The following XRCC4 variants were observed in gnomAD, a reference collection of about 807,000 sequenced individuals.
XRCC4 encodes X-ray repair cross complementing 4, also known as DNA repair protein XRCC4.
Under a neutral mutation model 39.1 loss-of-function variants are expected in XRCC4, and 28 were observed. The observed-to-expected ratio is 0.72, with a 90% confidence interval of 0.53 to 0.98. XRCC4 has a LOEUF of 0.98. XRCC4 is among the 50% of genes least tolerant of loss of function. The pLI is 0.00. For synonymous variants in XRCC4, 123 were observed against 126.4 expected, an observed-to-expected ratio of 0.97 and a Z score of 0.18; for missense variants, 350 against 376.4, an observed-to-expected ratio of 0.93 and a Z score of 0.58.
At chr5:83,261,993 A>G (rs1213305112) in intron 7 of XRCC4, among the ~76,000 whole-genome samples, 3 of 152,274 alleles carry the variant, frequency 2.0e-5, no homozygotes, top group South Asian at 2.1e-4. Flanking sequence ...ATAAAACAAA[A>G]TCATAATAAT....
At chr5:83,239,611 C>T (rs953347934) in intron 6 of XRCC4, among the ~76,000 whole-genome samples, 4 of 151,564 alleles carry the variant, frequency 2.6e-5, no homozygotes, top group Non-Finnish European at 4.4e-5. Flanking sequence ...GGGTGGATCA[C>T]GAGATCAGGA....
At chr5:83,138,304 T>C (rs1245061106) in intron 3 of XRCC4, among the ~76,000 whole-genome samples, 2 of 152,334 alleles carry the variant, frequency 1.3e-5, no homozygotes, top group African/African-American at 4.8e-5. Flanking sequence ...TCATTTTAAA[T>C]ATGTCAATCC....
intron 1 of XRCC4, among the ~76,000 whole-genome samples, chr5:83,083,205 A>G (rs1446807726): frequency 6.6e-6 from 1 of 151,976 alleles, no homozygotes; most frequent in Admixed American, 6.6e-5. Context: ...TATTTGTTAC[A>G]TGTATTTTTA....
At chr5:83,320,518 T>A (rs1756030489) in intron 7 of XRCC4, among the ~76,000 whole-genome samples, 1 of 152,028 alleles carries the variant, frequency 6.6e-6, no homozygotes, top group Non-Finnish European at 1.5e-5. Context: ...GAATATTGAC[T>A]CCAATTTTGA....
At chr5:83,280,629 A>C in intron 7 of XRCC4, 1 of 356,398 alleles carries the variant, frequency 2.8e-6, no homozygotes, top group Non-Finnish European at 5.3e-6. Flanking sequence ...CTGCCTGACC[A>C]GTCCAAGCTA....
At chr5:83,085,855 C>G (rs1745157592) in intron 1 of XRCC4, among the ~76,000 whole-genome samples, 1 of 152,160 alleles carries the variant, frequency 6.6e-6, no homozygotes, top group Admixed American at 6.5e-5. Context: ...AGTAGAAAAT[C>G]ATATTATAGA....
At chr5:83,149,289 T>C (rs1748600739) in intron 3 of XRCC4, among the ~76,000 whole-genome samples, 2 of 152,156 alleles carry the variant, frequency 1.3e-5, no homozygotes, top group South Asian at 4.1e-4. Context: ...GTTACTAAGA[T>C]TCAGCAGGTA....
chr5:83,178,121 C>T (rs1750042888), intron 3 of XRCC4, among the ~76,000 whole-genome samples: 1 of 152,000 alleles, frequency 6.6e-6, no homozygotes, highest in Non-Finnish European at 1.5e-5. Context: ...GATGATGCTC[C>T]AGATTTTAAA....
intron 3 of XRCC4, among the ~76,000 whole-genome samples, chr5:83,152,836 C>T (rs1464424875): frequency 6.6e-6 from 1 of 152,016 alleles, no homozygotes; most frequent in Non-Finnish European, 1.5e-5. Context: ...GTCGTGCAGT[C>T]GATCTACAGT....
At chr5:83,232,593 T>C (rs958407474) in intron 6 of XRCC4, among the ~76,000 whole-genome samples, 3 of 152,118 alleles carry the variant, frequency 2.0e-5, no homozygotes, top group African/African-American at 4.8e-5. Context: ...ACTGCTTGTT[T>C]AGTTTGTGAT....
intron 7 of XRCC4, chr5:83,310,785 T>C: frequency 2.2e-6 from 1 of 456,572 alleles, no homozygotes; most frequent in Non-Finnish European, 4.4e-6. Flanking sequence ...ACTTTCCTTA[T>C]TAGAGGGAGG....
intron 1 of XRCC4, among the ~76,000 whole-genome samples, chr5:83,096,463 G>A (rs905853042): frequency 6.6e-6 from 1 of 152,104 alleles, no homozygotes; most frequent in African/African-American, 2.4e-5. Context: ...AAAGCCAAAG[G>A]GGGCTGAAGC....
intron 3 of XRCC4, among the ~76,000 whole-genome samples, chr5:83,136,238 C>G (rs374108540): frequency 2.0e-5 from 3 of 152,228 alleles, no homozygotes; most frequent in African/African-American, 7.2e-5. Context: ...TCAAATACAT[C>G]ATCTTGTCTT....
chr5:83,258,050 C>T (rs1753612103), intron 6 of XRCC4, among the ~76,000 whole-genome samples: 1 of 151,916 alleles, frequency 6.6e-6, no homozygotes, highest in South Asian at 2.1e-4. Flanking sequence ...GGGTGAGGAG[C>T]AAGAGGAGGG....
chr5:83,366,659 C>G, the XRCC4 span, among the ~76,000 whole-genome samples: 6 of 152,198 alleles, frequency 3.9e-5, no homozygotes, highest in Non-Finnish European at 8.8e-5. Flanking sequence ...CTCCATTTCT[C>G]TGGTTGTATC....
Position 83,204,923 on chromosome 5 carries a change from TA to T in XRCC4, c.745+4del. The T allele has an allele frequency of 6.3e-7, 1 of 1,598,158 alleles. No individual in the cohort carries two copies. The highest frequency in any genetic ancestry group is 1.1e-5 in the South Asian group (1 of 90,316). On this transcript the variant is annotated splice_donor_region_variant and intron_variant, in intron 6 of 7. Coordinates refer to ENST00000396027, the MANE Select transcript of XRCC4 (RefSeq NM_003401.5). Reference sequence around the variant, plus strand: ...CTGATCTCTCTGGGTTGGCTTCAGGTAAGAGATACATACATTTATCTCCTCT... The same window carrying T: ...CTGATCTCTCTGGGTTGGCTTCAGGTAGAGATACATACATTTATCTCCTCT...
At chr5:83,132,150 G>A (rs7721784) in intron 3 of XRCC4, among the ~76,000 whole-genome samples, 73,568 of 151,818 alleles carry the variant, frequency 0.48, 18,794 homozygotes, top group African/African-American at 0.63. Flanking sequence ...AGCTTAGTTT[G>A]GCTGGACATG....
At chr5:83,296,331 AAC>A (rs1482113108) in intron 7 of XRCC4, among the ~76,000 whole-genome samples, 2 of 152,030 alleles carry the variant, frequency 1.3e-5, no homozygotes, top group Non-Finnish European at 2.9e-5. Context: ...AATTTATTTC[AAC>A]ACAGTCTTTC....
chr5:83,372,740 A>G, the XRCC4 span, among the ~76,000 whole-genome samples: 1 of 152,346 alleles, frequency 6.6e-6, no homozygotes, highest in Non-Finnish European at 1.5e-5. Context: ...CTAGCATGAC[A>G]CAGTCCTCAT....
Sources: gnomAD v4.1 joint callset for allele counts (sites outside exome capture counted in the v4.1 genomes callset) on GRCh38, gnomAD v4.1.1 for gene constraint, MANE v1.5 for transcripts, NCBI Gene and HGNC (gene_info 2026-07-23, HGNC 2026-07-21) for gene names.